NPHP1: variants seen among roughly 807,000 people sequenced by gnomAD.
NPHP1 encodes nephrocystin 1.
A neutral mutation model predicts 90.4 loss-of-function variants in NPHP1; 70 were observed. The ratio of observed to expected loss-of-function variants is 0.77; its 90% CI spans 0.64 to 0.95. The LOEUF is 0.95. NPHP1 is among the 40% of genes least tolerant of loss of function. The probability of loss-of-function intolerance (pLI) is 0.00; values close to 1 mark genes in which losing one functional copy is unlikely to be tolerated. For missense variants in NPHP1, 764 were observed against 795.9 expected (o/e 0.96, Z 0.48); for synonymous variants, 256 against 271.7 (o/e 0.94, Z 0.57).
At chr2:110,130,585 C>T (rs925349434) in intron 17 of NPHP1, among the ~76,000 whole-genome samples, 2 of 152,134 alleles carry the variant, frequency 1.3e-5, no homozygotes, top group African/African-American at 4.8e-5. Context: ...GGTGATAAGT[C>T]CCTGGGAGAG....
At chr2:110,132,462 C>G (rs1679860889) in intron 16 of NPHP1, among the ~76,000 whole-genome samples, 1 of 152,140 alleles carries the variant, frequency 6.6e-6, no homozygotes, top group Non-Finnish European at 1.5e-5. Flanking sequence ...TGAGACCAGC[C>G]TGGCCAACAT....
rs191083170 is a variant in NPHP1, at chr2:110,200,516, T to C, written c.143+905A>G. On this transcript the variant is annotated intron_variant, in intron 2 of 19. Coordinates refer to ENST00000445609, the MANE Select transcript of NPHP1 (RefSeq NM_001128178.3). The stretch of plus-strand genomic sequence containing the variant: ...AGGTGCAGGTTGCAATGAGCCGAGA[T>C]TGCGCCACTGCACTCCAGCCTGGGT... Among the ~76,000 whole-genome samples, 11 of 151,658 alleles carry C rather than the reference T, an allele frequency of 7.3e-5. No homozygotes were observed. The East Asian group carries it at 2.1e-3, about 29-fold the overall frequency.
At chr2:110,158,524 C>T (rs559214775) in intron 11 of NPHP1, among the ~76,000 whole-genome samples, 17 of 151,996 alleles carry the variant, frequency 1.1e-4, no homozygotes, top group Non-Finnish European at 1.9e-4. Flanking sequence ...CTTAGGATTA[C>T]TATGTCTTCT....
Position 110,169,806 on chromosome 2 carries a change from C to T in NPHP1, c.522G>A (p.Lys174=). ...TAQQVGDLTF[K]KGEILLVIEK... ...TAGGTTTCAGTCTTATTCTACCTAC[C>T]TTAAATGTAAGATCTCCAACTTGCT... is the stretch of plus-strand genomic sequence containing the variant. Residue 174 remains lysine, a splice_region_variant and synonymous_variant, in exon 5 of 20, where the codon AAG becomes AAA. Transcript: ENST00000445609. The T allele has an allele frequency of 3.1e-6, 5 of 1,607,900 alleles. No individual in the cohort carries two copies. Among genetic ancestry groups the T allele is most frequent in the Non-Finnish European group, 4.3e-6 (5 of 1,174,472 alleles).
chr2:110,131,607 A>C, intron 17 of NPHP1, 72 bp downstream of exon 17: 2 of 866,518 alleles, frequency 2.3e-6, no homozygotes, highest in Non-Finnish European at 2.0e-6. Context: ...AGAAGATACA[A>C]GATGGTATAG....
At chr2:110,150,055 G>T in intron 12 of NPHP1, 127 bp downstream of exon 12, 1 of 801,714 alleles carries the variant, frequency 1.2e-6, no homozygotes, top group Non-Finnish European at 2.2e-6. Flanking sequence ...TTTTATCAAT[G>T]TCCTCAAAGA....
chr2:110,175,739 C>T (rs978286599), intron 4 of NPHP1, among the ~76,000 whole-genome samples: 6 of 152,106 alleles, frequency 3.9e-5, no homozygotes, highest in African/African-American at 1.2e-4. Context: ...GGATTGATAT[C>T]TCTCTTAGAT....
intron 19 of NPHP1, chr2:110,124,488 T>C: frequency 3.6e-6 from 1 of 274,834 alleles, no homozygotes; most frequent in East Asian, 8.2e-5. Context: ...TTGTAGCAGG[T>C]GTTCTGCATA....
chr2:110,176,745 C>A (rs1021859802), intron 4 of NPHP1, among the ~76,000 whole-genome samples: 1 of 152,166 alleles, frequency 6.6e-6, no homozygotes, highest in Non-Finnish European at 1.5e-5. Context: ...CCTGGGCCTT[C>A]TGTGTCCTCT....
chr2:110,170,283 T>C (rs1683030506), intron 4 of NPHP1, among the ~76,000 whole-genome samples: 1 of 152,154 alleles, frequency 6.6e-6, no homozygotes, highest in Non-Finnish European at 1.5e-5. Flanking sequence ...ATTCAGAAAA[T>C]GCTGTTGAAG....
intron 2 of NPHP1, among the ~76,000 whole-genome samples, chr2:110,190,865 GA>G (rs962694923): frequency 7.5e-4 from 113 of 150,862 alleles, no homozygotes; most frequent in African/African-American, 2.2e-3. Context: ...AAATTTATAA[GA>G]AAAAAAAACC....
intron 9 of NPHP1, among the ~76,000 whole-genome samples, chr2:110,162,681 T>A (rs1405218318): frequency 1.3e-5 from 2 of 152,128 alleles, no homozygotes; most frequent in African/African-American, 4.8e-5. Context: ...TAGAATGGGA[T>A]AGGATTCAAG....
chr2:110,154,211 C>G (rs71425272), intron 11 of NPHP1, among the ~76,000 whole-genome samples: 1 of 152,076 alleles, frequency 6.6e-6, no homozygotes, highest in Non-Finnish European at 1.5e-5. Context: ...CCTGCACAAG[C>G]GCTCTTCTCT....
In NPHP1 at chr2:110,204,919, T is replaced by C. The variant is rs200480007; in HGVS notation, c.50A>G (p.Asn17Ser). The C allele has an allele frequency of 7.1e-5, 115 of 1,613,878 alleles. No homozygotes were observed. The highest frequency in any genetic ancestry group is 1.7e-4 in the Middle Eastern group (1 of 6,060). ...RDPLQALRRR[N>S]QELKQQVDSL... is the part of the protein sequence containing the mutation. Reference sequence around the variant, plus strand: ...CCATACCTGTTGCTTCAGCTCCTGATTGCGGCGCCGCAGGGCCTGGAGAGG... The same window carrying C: ...CCATACCTGTTGCTTCAGCTCCTGACTGCGGCGCCGCAGGGCCTGGAGAGG... The change falls in exon 1 of 20, where the codon AAT (asparagine) becomes AGT (serine). Residue 17 changes from asparagine to serine, a missense_variant. Coordinates refer to ENST00000445609, the MANE Select transcript of NPHP1 (RefSeq NM_001128178.3).
chr2:110,192,936 C>A (rs1202403221), intron 2 of NPHP1, among the ~76,000 whole-genome samples: 2 of 151,996 alleles, frequency 1.3e-5, no homozygotes, highest in African/African-American at 4.8e-5. Context: ...AAATAAAATC[C>A]TTTACAGACA....
chr2:110,184,146 C>A, intron 2 of NPHP1: 1 of 555,638 alleles, frequency 1.8e-6, no homozygotes, highest in East Asian at 4.8e-5. Flanking sequence ...TGATCAGATC[C>A]ACAAATACTG....
At chr2:110,185,071 G>A (rs1003133049) in intron 2 of NPHP1, 21 of 596,340 alleles carry the variant, frequency 3.5e-5, no homozygotes, top group African/African-American at 1.7e-4. Flanking sequence ...TGTATTCCAC[G>A]TGGATTGAGG....
intron 6 of NPHP1, among the ~76,000 whole-genome samples, chr2:110,168,238 C>T (rs1468986973): frequency 6.6e-6 from 1 of 152,164 alleles, no homozygotes; most frequent in African/African-American, 2.4e-5. Flanking sequence ...ATTGTGAGAT[C>T]ACGTTCCAGG....
At chr2:110,186,087 C>T (rs559758604) in intron 2 of NPHP1, among the ~76,000 whole-genome samples, 3 of 152,246 alleles carry the variant, frequency 2.0e-5, no homozygotes, top group South Asian at 2.1e-4. Context: ...TCCAGGGCCC[C>T]GCCTCTCCCT....
Sources: gnomAD v4.1 joint callset for allele counts (sites outside exome capture counted in the v4.1 genomes callset) on GRCh38, gnomAD v4.1.1 for gene constraint, MANE v1.5 for transcripts, NCBI Gene and HGNC (gene_info 2026-07-23, HGNC 2026-07-21) for gene names.